CRADD: variants seen among roughly 807,000 people sequenced by gnomAD.
The protein encoded by CRADD is death domain-containing protein CRADD.
Under a neutral mutation model 15.5 loss-of-function variants are expected in CRADD, and 9 were observed. The ratio of observed to expected loss-of-function variants is 0.58; its 90% CI spans 0.35 to 1.01. The LOEUF is 1.01. CRADD is among the 50% of genes least tolerant of loss of function. CRADD has a pLI of 0.02. For missense variants in CRADD, 227 were observed against 250.3 expected, an observed-to-expected ratio of 0.91 and a Z score of 0.63; for synonymous variants, 118 against 107.6, an observed-to-expected ratio of 1.10 and a Z score of -0.60.
intron 2 of CRADD, among the ~76,000 whole-genome samples, chr12:93,860,483 C>G (rs76561645): frequency 1.3e-5 from 2 of 152,050 alleles, no homozygotes; most frequent in African/African-American, 4.8e-5. Flanking sequence ...TAATTTCTCC[C>G]CTTGAGCCCC....
chr12:93,753,006 A>G (rs374101027), intron 2 of CRADD, among the ~76,000 whole-genome samples: 1 of 152,164 alleles, frequency 6.6e-6, no homozygotes, highest in South Asian at 2.1e-4. Flanking sequence ...AGAACAGCGC[A>G]GGAAAGACCC....
At chr12:93,888,468 G>A (rs974094991) in intron 2 of CRADD, among the ~76,000 whole-genome samples, 1 of 151,996 alleles carries the variant, frequency 6.6e-6, no homozygotes, top group African/African-American at 2.4e-5. Flanking sequence ...GATGGGTGGG[G>A]GCTCACCTTC....
intron 2 of CRADD, among the ~76,000 whole-genome samples, chr12:93,796,093 A>G (rs901652093): frequency 3.3e-5 from 5 of 151,930 alleles, no homozygotes; most frequent in Admixed American, 6.6e-5. Context: ...ATCTATGTCT[A>G]TTTTATCAAG....
At chr12:93,874,334 T>C (rs1430921580) in intron 2 of CRADD, among the ~76,000 whole-genome samples, 1 of 152,074 alleles carries the variant, frequency 6.6e-6, no homozygotes, top group Non-Finnish European at 1.5e-5. Context: ...TTCTCTTTTT[T>C]TCTTAGTCTG....
intron 2 of CRADD, among the ~76,000 whole-genome samples, chr12:93,741,761 T>C (rs1592952017): frequency 6.6e-6 from 1 of 152,182 alleles, no homozygotes; most frequent in East Asian, 1.9e-4. Flanking sequence ...TCTGCTTGTT[T>C]GTGACTCTCT....
At chr12:93,681,643 C>G (rs1449477704) in intron 2 of CRADD, among the ~76,000 whole-genome samples, 1 of 152,082 alleles carries the variant, frequency 6.6e-6, no homozygotes, top group African/African-American at 2.4e-5. Context: ...ACACCCGTCT[C>G]CTCATCACTC....
intron 2 of CRADD, among the ~76,000 whole-genome samples, chr12:93,703,359 C>CTTTTT (rs34708379): frequency 1.5e-5 from 2 of 136,518 alleles, no homozygotes; most frequent in Non-Finnish European, 3.2e-5. Flanking sequence ...TTTTCTTTTT[C>CTTTTT]TTTTTTTTTT....
intron 2 of CRADD, among the ~76,000 whole-genome samples, chr12:93,872,803 A>C (rs1369114356): frequency 6.6e-6 from 1 of 152,142 alleles, no homozygotes; most frequent in Non-Finnish European, 1.5e-5. Context: ...TGTTTTGGTT[A>C]CTATAGCTTT....
At chr12:93,767,340 C>T (rs1388649889) in intron 2 of CRADD, among the ~76,000 whole-genome samples, 4 of 152,156 alleles carry the variant, frequency 2.6e-5, no homozygotes, top group Admixed American at 6.5e-5. Context: ...TGGTTGGCCT[C>T]GTTTCTCTCA....
downstream of CRADD, among the ~76,000 whole-genome samples, chr12:93,853,912 T>C (rs1424873543): frequency 6.6e-6 from 1 of 152,190 alleles, no homozygotes; most frequent in African/African-American, 2.4e-5. Flanking sequence ...CGTGGATCTT[T>C]AGGTCGGTTT....
At chr12:93,701,291 C>T (rs1006618329) in intron 2 of CRADD, among the ~76,000 whole-genome samples, 1 of 125,234 alleles carries the variant, frequency 8.0e-6, no homozygotes, top group Non-Finnish European at 1.6e-5. Context: ...CTCTCTCTCT[C>T]TGTGACACAC....
chr12:93,838,214 G>GTTTTTTTTTTTTTTTTTT (rs66564800), intron 2 of CRADD, among the ~76,000 whole-genome samples: 5 of 130,604 alleles, frequency 3.8e-5, no homozygotes, highest in African/African-American at 5.8e-5. Context: ...TCCTTTTGAG[G>GTTTTTTTTTTTTTTTTTT]TTTTTTTTTT....
At chr12:93,877,987 G>T (rs2137070920) in intron 2 of CRADD, among the ~76,000 whole-genome samples, 1 of 152,226 alleles carries the variant, frequency 6.6e-6, no homozygotes, top group Admixed American at 6.5e-5. Flanking sequence ...CAGTCTCAGA[G>T]GCCCACCCAA....
intron 2 of CRADD, among the ~76,000 whole-genome samples, chr12:93,880,925 TCTCAGAAATAAG>T (rs1958494840): frequency 6.6e-6 from 1 of 152,220 alleles, no homozygotes; most frequent in African/African-American, 2.4e-5. Context: ...AGGCTTTCCT[TCTCAGAAATAAG>T]AACTAACACC....
At chr12:93,786,231 A>G (rs1957276632) in intron 2 of CRADD, among the ~76,000 whole-genome samples, 1 of 152,224 alleles carries the variant, frequency 6.6e-6, no homozygotes. Context: ...CTTCTGGAAT[A>G]AACTCCACAG....
At chr12:93,861,084 G>A (rs902076389) in intron 2 of CRADD, among the ~76,000 whole-genome samples, 14 of 152,100 alleles carry the variant, frequency 9.2e-5, no homozygotes, top group African/African-American at 2.9e-4. Context: ...TTCAAAGAAC[G>A]GCGAGGAGTT....
At chr12:93,884,329 TACCTTCTAGA>T (rs1401855551) in intron 2 of CRADD, among the ~76,000 whole-genome samples, 1 of 152,190 alleles carries the variant, frequency 6.6e-6, no homozygotes, top group East Asian at 1.9e-4. Context: ...GGGATCTTAG[TACCTTCTAGA>T]AGGATGCAGA....
rs73363143 is a variant in CRADD, at chr12:93,779,023, C to T, written c.299-70947C>T. 2.9e-3 allele frequency among the ~76,000 whole-genome samples: 434 copies of T among 152,174 alleles called. 2 individuals are homozygous for T. Among genetic ancestry groups the T allele is most frequent in the African/African-American group, 6.6e-3 (273 of 41,520 alleles). On this transcript the variant is annotated intron_variant, in intron 2 of 2. Coordinates refer to ENST00000332896, the MANE Select transcript of CRADD (RefSeq NM_003805.5). The stretch of plus-strand genomic sequence containing the variant: ...GAGCCAAAGCGTTATGCCTGAACAA[C>T]GATTATAGGTTAGTATAGACAAGTG...
chr12:93,692,918 C>G (rs1279904570), intron 2 of CRADD, among the ~76,000 whole-genome samples: 1 of 151,860 alleles, frequency 6.6e-6, no homozygotes, highest in Admixed American at 6.6e-5. Context: ...ATATACAAAA[C>G]AAAAAGACAT....
Sources: gnomAD v4.1 joint callset for allele counts (sites outside exome capture counted in the v4.1 genomes callset) on GRCh38, gnomAD v4.1.1 for gene constraint, MANE v1.5 for transcripts, NCBI Gene and HGNC (gene_info 2026-07-23, HGNC 2026-07-21) for gene names.